The following SYNRG variants were observed in gnomAD, a reference collection of about 807,000 sequenced individuals.
SYNRG encodes the protein AP1 gamma subunit binding protein 1.
SYNRG carries 37 observed loss-of-function variants against 130.9 expected under a neutral mutation model. The ratio of observed to expected loss-of-function variants is 0.28; its 90% CI spans 0.22 to 0.37. The LOEUF (loss-of-function observed/expected upper bound fraction) is 0.37. Among genes scored for constraint, SYNRG ranks in the 10% least tolerant of loss-of-function variants. The pLI is 1.00. For synonymous variants in SYNRG, 539 were observed against 568.1 expected, an observed-to-expected ratio of 0.95 and a Z score of 0.73; for missense variants, 1,338 against 1,588.9, an observed-to-expected ratio of 0.84 and a Z score of 2.68.
chr17:37,526,725 C>T lies in SYNRG; in HGVS notation c.3667-6077G>A, dbSNP rs9901307. ...ATCTGCCACTCTCTTCTTCTCTCTG[C>T]TTCTGTTGTCACATCACTTTTTCTC... On this transcript the variant is annotated intron_variant, in intron 19 of 21. Coordinates refer to ENST00000612223, the MANE Select transcript of SYNRG (RefSeq NM_007247.6). Among the ~76,000 whole-genome samples, 1,038 of 152,336 alleles carry T rather than the reference C, an allele frequency of 6.8e-3. 15 individuals carry two copies. Among genetic ancestry groups the T allele is most frequent in the African/African-American group, 0.024 (987 of 41,564 alleles).
chr17:37,588,871 T>A (rs545984821), intron 3 of SYNRG, among the ~76,000 whole-genome samples: 14 of 152,198 alleles, frequency 9.2e-5, no homozygotes, highest in African/African-American at 3.4e-4. Context: ...AAAGGTGTTA[T>A]GCATATTGCC....
rs377356663 is a variant in SYNRG at position 37,553,969 on chromosome 17, G to A, written c.1754C>T (p.Pro585Leu). Residue 585 changes from proline to leucine, a missense_variant, in exon 14 of 22, where the codon CCA (proline) becomes CTA (leucine). By Grantham distance (98) the Pro-to-Leu change is moderately conservative. Around this residue, in one of 3 missense-constraint regions of SYNRG, gnomAD observed 1,146 missense variants for 1,342.3 expected, o/e 0.85. Transcript: ENST00000612223. ...TADSVSPLEP[P>L]TKDKTFPPSF... ...TGGTGGAAAAGTTTTGTCTTTTGTT[G>A]GTGGCTCTAGTGGTGATACACTATC... 1 of 1,611,172 alleles carries A rather than the reference G, an allele frequency of 6.2e-7. No homozygotes were observed. The highest frequency in any genetic ancestry group is 8.5e-7 in the Non-Finnish European group (1 of 1,179,430).
chr17:37,604,571 C>T (rs1228758483), intron 1 of SYNRG, among the ~76,000 whole-genome samples: 1 of 152,186 alleles, frequency 6.6e-6, no homozygotes, highest in African/African-American at 2.4e-5. Context: ...TTTTCAATAT[C>T]AGCAATAAAG....
Position 37,539,201 on chromosome 17 carries a change from A to C in SYNRG, c.3411T>G (p.Ser1137Arg). 3 of 1,614,010 alleles carry C rather than the reference A, an allele frequency of 1.9e-6. No individual in the cohort carries two copies. The South Asian group carries it at 3.3e-5, about 18-fold the overall frequency. Residue 1137 changes from serine (S) to arginine (R), a missense_variant, in exon 17 of 22, where the codon AGT becomes AGG. By Grantham distance (110) the Ser-to-Arg change is moderately radical. Coordinates refer to ENST00000612223, the MANE Select transcript of SYNRG (RefSeq NM_007247.6). The part of the protein sequence containing the change: ...YAYEWQRCLG[S>R]ALNVIKKAND... ...TAAGTGACATACTCACATTCAGGGC[A>C]CTCCCCAGGCATCTCTGCCATTCAT... is the stretch of plus-strand genomic sequence containing the variant.
intron 6 of SYNRG, among the ~76,000 whole-genome samples, chr17:37,582,112 T>C (rs2061382835): frequency 6.6e-6 from 1 of 152,166 alleles, no homozygotes; most frequent in Admixed American, 6.5e-5. Flanking sequence ...CTAAAGTCTA[T>C]TGTCACAATA....
chr17:37,596,441 G>A lies in SYNRG; in HGVS notation c.119-97C>T. On this transcript the variant is annotated intron_variant, in intron 2 of 21. Coordinates refer to ENST00000612223, the MANE Select transcript of SYNRG (RefSeq NM_007247.6). ...AGGACTTGTTACTTGGCAGGAAGCA[G>A]AGTGTAATGGAAAAAGCACAGGGTC... 2.9e-6 allele frequency: 4 copies of A among 1,382,174 alleles called. No homozygotes were observed. In the South Asian group the frequency reaches 5.3e-5, roughly 18 times the overall value. The allele number at this position is 1,382,174 out of a possible 1,614,324, so 85.6% of individuals were successfully genotyped here.
At chr17:37,594,388 C>T (rs1012028091) in intron 3 of SYNRG, among the ~76,000 whole-genome samples, 14 of 147,840 alleles carry the variant, frequency 9.5e-5, no homozygotes, top group African/African-American at 3.5e-4. Flanking sequence ...CAGTATTAAG[C>T]TTAGGAAGTC....
At chr17:37,555,448 G>C (rs2059047946) in intron 13 of SYNRG, among the ~76,000 whole-genome samples, 1 of 152,038 alleles carries the variant, frequency 6.6e-6, no homozygotes, top group Admixed American at 6.6e-5. Context: ...ATTCTTAAAA[G>C]GTTTCTATAT....
Position 37,581,288 on chromosome 17 carries a change from AT to A in SYNRG, c.589+3359del, listed in dbSNP as rs2061314279. The stretch of plus-strand genomic sequence containing the variant: ...TATTATTATTACTATTATTATTATT[AT>A]TATTATGATACTGGGTCTCCCTCTG... On this transcript the variant is annotated intron_variant, in intron 6 of 21. Coordinates refer to ENST00000612223, the MANE Select transcript of SYNRG (RefSeq NM_007247.6). Among the ~76,000 whole-genome samples, 5 of 151,528 alleles carry A rather than the reference AT, an allele frequency of 3.3e-5. No homozygotes were observed. The East Asian group carries it at 9.7e-4, about 29-fold the overall frequency.
intron 2 of SYNRG, among the ~76,000 whole-genome samples, chr17:37,597,498 T>C (rs2062879410): frequency 1.3e-5 from 2 of 152,284 alleles, no homozygotes; most frequent in African/African-American, 2.4e-5. Context: ...TTGGGCAATC[T>C]GCTTCTTTCT....
rs2057498546 is a variant in SYNRG at position 37,539,230 on chromosome 17, C to A, written c.3382G>T (p.Ala1128Ser). The change falls in exon 17 of 22, where the codon GCA becomes TCA. Residue 1128 changes from alanine to serine, a missense_variant. Coordinates refer to ENST00000612223, the MANE Select transcript of SYNRG (RefSeq NM_007247.6). The stretch of plus-strand genomic sequence containing the variant: ...CCCAGGCATCTCTGCCATTCATATG[C>A]ATATCTCTCATTTTCCTGTGAATTT... ...TGEVEENERY[A>S]YEWQRCLGSA... 1.2e-6 allele frequency: 2 copies of A among 1,614,180 alleles called. No individual in the cohort carries two copies. The highest frequency in any genetic ancestry group is 8.5e-7 in the Non-Finnish European group (1 of 1,180,040).
chr17:37,531,624 A>C (rs2056641647), intron 19 of SYNRG, among the ~76,000 whole-genome samples: 1 of 152,048 alleles, frequency 6.6e-6, no homozygotes, highest in South Asian at 2.1e-4. Flanking sequence ...AAAAAATACA[A>C]AAACATTGGC....
chr17:37,550,595 A>C (rs192822254), intron 14 of SYNRG, among the ~76,000 whole-genome samples: 1 of 152,352 alleles, frequency 6.6e-6, no homozygotes, highest in African/African-American at 2.4e-5. Context: ...CATCAGAATA[A>C]GCATGCAGAT....
intron 1 of SYNRG, among the ~76,000 whole-genome samples, chr17:37,605,441 A>C (rs1347651718): frequency 6.6e-6 from 1 of 152,190 alleles, no homozygotes; most frequent in Non-Finnish European, 1.5e-5. Flanking sequence ...CCCTCTGTCA[A>C]ATGAGGACGT....
intron 19 of SYNRG, chr17:37,529,712 C>G: frequency 2.1e-6 from 3 of 1,440,164 alleles, no homozygotes; most frequent in Non-Finnish European, 2.9e-6. Context: ...CAGCAGCAAC[C>G]CAGGAATCTC....
intron 19 of SYNRG, among the ~76,000 whole-genome samples, chr17:37,533,307 G>A (rs956994349): frequency 7.9e-5 from 12 of 151,716 alleles, no homozygotes; most frequent in Non-Finnish European, 1.5e-4. Flanking sequence ...AGGCTGAGGC[G>A]TGAGAATCGC....
At chr17:37,594,404 T>G (rs1203086780) in intron 3 of SYNRG, among the ~76,000 whole-genome samples, 1 of 149,750 alleles carries the variant, frequency 6.7e-6, no homozygotes, top group African/African-American at 2.4e-5. Context: ...AAGTCTTAAT[T>G]TAAAATACAT....
intron 11 of SYNRG, among the ~76,000 whole-genome samples, chr17:37,565,358 C>G (rs945647416): frequency 6.6e-6 from 1 of 152,126 alleles, no homozygotes; most frequent in Non-Finnish European, 1.5e-5. Flanking sequence ...CAATGGTGCC[C>G]AGGCTGGAGT....
intron 1 of SYNRG, chr17:37,606,024 G>A: frequency 1.0e-6 from 1 of 984,950 alleles, no homozygotes. Context: ...TAATTAAATG[G>A]TCCTTTAGCA....
Sources: allele counts gnomAD v4.1 joint callset (sites outside exome capture counted in the v4.1 genomes callset), GRCh38; gene constraint gnomAD v4.1.1; regional missense constraint gnomAD v4.1.1; transcripts MANE v1.5; gene names NCBI Gene and HGNC (gene_info 2026-07-23, HGNC 2026-07-21).